PHGDH: variants seen among roughly 807,000 people sequenced by gnomAD.
PHGDH encodes the protein D-3-phosphoglycerate dehydrogenase.
Under a neutral mutation model 52.6 loss-of-function variants are expected in PHGDH, and 50 were observed. The observed-to-expected ratio is 0.95, with a 90% confidence interval of 0.76 to 1.20. The LOEUF is 1.20. PHGDH is among the 50% of genes most tolerant of loss of function. The pLI is 0.00. For missense variants in PHGDH, 630 were observed against 684.6 expected (o/e 0.92, Z 0.89); for synonymous variants, 271 against 280.5 (o/e 0.97, Z 0.34).
In PHGDH at chr1:119,726,866, G is replaced by T. The variant is rs146740411; in HGVS notation, c.372G>T (p.Ala124=). The change falls in exon 4 of 12, where the codon GCG becomes GCT. Residue 124 remains alanine (A), a synonymous_variant. Coordinates refer to ENST00000641023, the MANE Select transcript of PHGDH (RefSeq NM_006623.4). ...IMCLARQIPQ[A]TASMKDGKWE... is the part of the protein sequence containing the mutation. ...ATCCTTGCAGGCAGATTCCCCAGGC[G>T]ACGGCTTCGATGAAGGACGGCAAAT... The T allele has an allele frequency of 1.2e-6, 2 of 1,614,086 alleles. No homozygotes were observed. Among genetic ancestry groups the T allele is most frequent in the Non-Finnish European group, 1.7e-6 (2 of 1,179,974 alleles).
Position 119,726,740 on chromosome 1 carries a change from C to A in PHGDH, c.357-111C>A, listed in dbSNP as rs976827959. Reference sequence around the variant, plus strand: ...TAAACCTGAACCCCCAGACCCAGTTCTTGGGGAAGTGGCTGTCATGGGCAG... The same window carrying A: ...TAAACCTGAACCCCCAGACCCAGTTATTGGGGAAGTGGCTGTCATGGGCAG... On this transcript the variant is annotated intron_variant, in intron 3 of 11. Transcript: ENST00000641023. 23 of 849,990 alleles carry A rather than the reference C, an allele frequency of 2.7e-5. No individual in the cohort carries two copies. In the South Asian group the frequency reaches 3.0e-4, roughly 11 times the overall value. The allele number at this position is 849,990 out of a possible 1,614,324, so 52.7% of individuals were successfully genotyped here. A position where few individuals can be genotyped will look rare whatever the true frequency, so the allele number is the denominator to read the frequency against.
At chr1:119,728,466 C>A (rs763751578) in intron 5 of PHGDH, among the ~76,000 whole-genome samples, 25 of 152,150 alleles carry the variant, frequency 1.6e-4, no homozygotes, top group Non-Finnish European at 3.1e-4. Context: ...ATTGTAGAGC[C>A]TATGGTGGCT....
At chr1:119,717,647 T>G (rs1227250649) in intron 1 of PHGDH, among the ~76,000 whole-genome samples, 1 of 152,230 alleles carries the variant, frequency 6.6e-6, no homozygotes, top group Non-Finnish European at 1.5e-5. Flanking sequence ...CGCATCAATT[T>G]GAGTTCTGCT....
Position 119,723,440 on chromosome 1 carries a change from A to G in PHGDH, c.355A>G (p.Arg119Gly). 1 of 1,612,510 alleles carries G rather than the reference A, an allele frequency of 6.2e-7. No homozygotes were observed. The highest frequency in any genetic ancestry group is 8.5e-7 in the Non-Finnish European group (1 of 1,178,520). Reference sequence around the variant, plus strand: ...TTGTGGAATGATCATGTGCCTGGCCAGGTAAGTCCCTGACTTCTCAGCAAA... The same window carrying G: ...TTGTGGAATGATCATGTGCCTGGCCGGGTAAGTCCCTGACTTCTCAGCAAA... ...LTCGMIMCLA[R>G]QIPQATASMK... The change falls in exon 3 of 12, where the codon AGG becomes GGG. Residue 119 changes from arginine to glycine, a missense_variant and splice_region_variant. By Grantham distance (125) the Arg-to-Gly change is moderately radical. Coordinates refer to ENST00000641023, the MANE Select transcript of PHGDH (RefSeq NM_006623.4).
intron 7 of PHGDH, among the ~76,000 whole-genome samples, chr1:119,736,146 C>T (rs1651926158): frequency 6.6e-6 from 1 of 152,220 alleles, no homozygotes; most frequent in African/African-American, 2.4e-5. Flanking sequence ...CTTGGAAGGT[C>T]ACTGGCCCTC....
At position 119,730,186 on chromosome 1, in the gene PHGDH, T is replaced by G. The variant is rs371398104; in HGVS notation, c.510+3084T>G. The stretch of plus-strand genomic sequence containing the variant: ...TTTTCTAAAGGGAAAGGAAGATTCT[T>G]GAACATATTGTGAAAGAGATGTATA... On this transcript the variant is annotated intron_variant, in intron 5 of 11. Coordinates refer to ENST00000641023, the MANE Select transcript of PHGDH (RefSeq NM_006623.4). 8 of 152,296 alleles carry G rather than the reference T, an allele frequency of 5.3e-5. No homozygotes were observed. In the East Asian group the frequency reaches 1.2e-3, roughly 22 times the overall value. 9.4% of individuals were successfully genotyped at this position (152,296 alleles called of 1,614,324 possible). A position where few individuals can be genotyped will look rare whatever the true frequency, so the allele number is the denominator to read the frequency against.
At chr1:119,734,183 C>A (rs1651829302) in intron 5 of PHGDH, 1 of 292,774 alleles carries the variant, frequency 3.4e-6, no homozygotes, top group Admixed American at 4.6e-5. Context: ...TCCTGGCTGT[C>A]CGCTCCCTAC....
intron 11 of PHGDH, 43 bp from the exon 12 acceptor site, chr1:119,743,843 T>C (rs1557983604): frequency 2.0e-6 from 3 of 1,537,850 alleles, no homozygotes; most frequent in Non-Finnish European, 2.7e-6. Context: ...CGCTCCTTTT[T>C]CCCCTATCCC....
intron 3 of PHGDH, among the ~76,000 whole-genome samples, chr1:119,723,789 C>G (rs1570994099): frequency 6.6e-6 from 1 of 151,738 alleles, no homozygotes; most frequent in Non-Finnish European, 1.5e-5. Context: ...AGGGTATGGA[C>G]AGTGTCTAGG....
chr1:119,723,562 A>G (rs372938256), intron 3 of PHGDH, 121 bp downstream of exon 3: 20 of 783,314 alleles, frequency 2.6e-5, no homozygotes, highest in East Asian at 1.8e-4. Context: ...CAGACTGCTA[A>G]GAAGGCGACA....
rs368452731 is a variant in PHGDH, at chr1:119,735,440, G to C, written c.789G>C (p.Thr263=). 6 of 1,612,274 alleles carry C rather than the reference G, an allele frequency of 3.7e-6. No homozygotes were observed. The highest frequency in any genetic ancestry group is 2.5e-6 in the Non-Finnish European group (3 of 1,179,986). ...QCAGAALDVF[T]EEPPRDRALV... ...CCGGGGCTGCACTGGACGTGTTTAC[G>C]GAAGTAAGTGCCTGGCAGCCTCAGC... The change falls in exon 7 of 12, where the codon ACG becomes ACC. Residue 263 remains threonine, a synonymous_variant. Coordinates refer to ENST00000641023, the MANE Select transcript of PHGDH (RefSeq NM_006623.4).
rs370045696 is a variant in PHGDH, at chr1:119,737,143, C to A, written c.822C>A (p.Asp274Glu). The A allele has an allele frequency of 2.6e-5, 42 of 1,614,038 alleles. No homozygotes were observed. The highest frequency in any genetic ancestry group is 3.4e-5 in the Non-Finnish European group (40 of 1,180,006). ...EEPPRDRALV[D>E]HENVISCPHL... ...CGCCACGGGACCGGGCCTTGGTGGA[C>A]CATGAGAATGTCATCAGCTGTCCCC... Residue 274 changes from aspartate to glutamate, a missense_variant, in exon 8 of 12, where the codon GAC becomes GAA. Asp to Glu is a conservative substitution (Grantham distance 45). Transcript: ENST00000641023.
chr1:119,727,489 C>G (rs1651484583), intron 5 of PHGDH: 1 of 314,166 alleles, frequency 3.2e-6, no homozygotes, highest in Non-Finnish European at 6.2e-6. Context: ...GCAGAGTAGA[C>G]AGTACACCTC....
intron 3 of PHGDH, among the ~76,000 whole-genome samples, chr1:119,723,689 A>G (rs1364000650): frequency 6.6e-6 from 1 of 151,898 alleles, no homozygotes; most frequent in Non-Finnish European, 1.5e-5. Flanking sequence ...TCCATGCTGC[A>G]GACAATCTGC....
chr1:119,734,194 A>C (rs1175679039), intron 5 of PHGDH: 1 of 316,010 alleles, frequency 3.2e-6, no homozygotes, highest in East Asian at 8.1e-5. Context: ...CGCTCCCTAC[A>C]TGACTGCCCT....
At chr1:119,740,104 C>G (rs1488586273) in intron 8 of PHGDH, 1 of 451,348 alleles carries the variant, frequency 2.2e-6, no homozygotes, top group Non-Finnish European at 4.1e-6. Flanking sequence ...AGAAACAAGT[C>G]TCCCATGGAG....
chr1:119,737,498 C>T (rs587612543), intron 8 of PHGDH, among the ~76,000 whole-genome samples: 1 of 152,298 alleles, frequency 6.6e-6, no homozygotes, highest in South Asian at 2.1e-4. Flanking sequence ...CCTGTTATAT[C>T]GTAGTCTTGC....
In PHGDH at chr1:119,742,935, G is replaced by C. The variant is rs781102534; in HGVS notation, c.1338G>C (p.Gln446His). The C allele has an allele frequency of 2.1e-5, 34 of 1,613,748 alleles. No individual in the cohort carries two copies. The highest frequency in any genetic ancestry group is 1.5e-5 in the Non-Finnish European group (18 of 1,179,696). The change falls in exon 11 of 12, where the codon CAG (glutamine) becomes CAC (histidine). Residue 446 changes from glutamine (Q) to histidine (H), a missense_variant. Transcript: ENST00000641023. Reference sequence around the variant, plus strand: ...TCCAAGGCACTACGCCTGTACTGCAGGGGCTCAATGGAGCTGTCTTCAGGC... The same window carrying C: ...TCCAAGGCACTACGCCTGTACTGCACGGGCTCAATGGAGCTGTCTTCAGGC... ...GLVQGTTPVL[Q>H]GLNGAVFRPE...
At chr1:119,739,745 C>T (rs587665355) in intron 8 of PHGDH, 1 of 152,468 alleles carries the variant, frequency 6.6e-6, no homozygotes, top group Non-Finnish European at 1.5e-5. Flanking sequence ...CCAGAACAAG[C>T]TGGTTCTGTT....
Sources: allele counts gnomAD v4.1 joint callset (sites outside exome capture counted in the v4.1 genomes callset), GRCh38; gene constraint gnomAD v4.1.1; transcripts MANE v1.5; gene names NCBI Gene and HGNC (gene_info 2026-07-23, HGNC 2026-07-21).